Variants in FAIM2 observed in about 807,000 individuals in gnomAD.
FAIM2 encodes Fas apoptotic inhibitory molecule 2.
FAIM2 carries 27 observed loss-of-function variants against 47.4 expected under a neutral mutation model. That is an observed-to-expected ratio of 0.57 (90% CI 0.42 to 0.78). FAIM2 has a LOEUF of 0.78. FAIM2 is among the 30% of genes least tolerant of loss of function. FAIM2 has a pLI of 0.00. For missense variants in FAIM2, 311 were observed against 389.4 expected (o/e 0.80, Z 1.69); for synonymous variants, 156 against 159.3 (o/e 0.98, Z 0.16).
intron 11 of FAIM2, among the ~76,000 whole-genome samples, chr12:49,883,706 A>G (rs961897410): frequency 7.2e-5 from 11 of 152,224 alleles, no homozygotes; most frequent in African/African-American, 2.6e-4. Context: ...GGGTAGAAAG[A>G]GAAGAGTCGG....
intron 11 of FAIM2, among the ~76,000 whole-genome samples, chr12:49,871,087 C>G (rs1371415107): frequency 6.6e-6 from 1 of 152,200 alleles, no homozygotes; most frequent in East Asian, 1.9e-4. Flanking sequence ...CCGGACCCTG[C>G]TCTCAGAGGA....
chr12:49,887,593 C>G (rs1946870904), intron 10 of FAIM2, among the ~76,000 whole-genome samples, 154 bp from the exon 11 acceptor site: 2 of 152,182 alleles, frequency 1.3e-5, no homozygotes, highest in South Asian at 4.1e-4. Flanking sequence ...CCCTGATTCT[C>G]TGTGTGCCCA....
rs1016292528 is a variant in FAIM2, at chr12:49,867,552, C to T, written c.*2952G>A. ...AGACTCGTGTGTGCCTCCCGGGCCC[C>T]CATCTGCAGCTTCCAGAAGAGGACT... On this transcript the variant is annotated 3_prime_UTR_variant, in exon 12 of 12. Transcript: ENST00000320634. 1 of 152,232 alleles carries T rather than the reference C, an allele frequency of 6.6e-6. No individual in the cohort carries two copies. The highest frequency in any genetic ancestry group is 2.4e-5 in the African/African-American group (1 of 41,442). 9.4% of individuals were successfully genotyped at this position (152,232 alleles called of 1,614,324 possible).
chr12:49,890,171 G>T lies in FAIM2; in HGVS notation c.526-17C>A. On this transcript the variant is annotated splice_polypyrimidine_tract_variant and intron_variant, in intron 7 of 11. Coordinates refer to ENST00000320634, the MANE Select transcript of FAIM2 (RefSeq NM_012306.4). ...GGACAGGGTCTGAAAGGAGAAGCAG[G>T]GTAAAGGAATGTTCCAAACTCAGAC... The T allele has an allele frequency of 6.2e-7, 1 of 1,613,908 alleles. No individual in the cohort carries two copies. The highest frequency in any genetic ancestry group is 8.5e-7 in the Non-Finnish European group (1 of 1,179,828).
In FAIM2 at chr12:49,868,957, C is replaced by T. The variant is rs1329133089; in HGVS notation, c.*1547G>A. On this transcript the variant is annotated 3_prime_UTR_variant, in exon 12 of 12. Transcript: ENST00000320634. ...GTAGGAAGGGTGGGGAGGGATGGGGCTGGGAAGGAACAGCACACCTCGTCT... is the reference window on the plus strand; with the variant it reads ...GTAGGAAGGGTGGGGAGGGATGGGGTTGGGAAGGAACAGCACACCTCGTCT... 5 of 152,272 alleles carry T rather than the reference C, an allele frequency of 3.3e-5. No individual in the cohort carries two copies. Among genetic ancestry groups the T allele is most frequent in the Non-Finnish European group, 7.3e-5 (5 of 68,076 alleles). 9.4% of individuals were successfully genotyped at this position (152,272 alleles called of 1,614,324 possible). A position where few individuals can be genotyped will look rare whatever the true frequency, so the allele number is the denominator to read the frequency against.
In FAIM2 at chr12:49,870,327, G is replaced by A; in HGVS notation, c.*177C>T. 1.7e-6 allele frequency: 1 copy of A among 595,348 alleles called. No homozygotes were observed. The allele number at this position is 595,348 out of a possible 1,614,324, so 36.9% of individuals were successfully genotyped here. ...GATTGACGTGGCCTCAGTTCCTCAG[G>A]GTCCCCATGGCGTATGTACAAGCGG... On this transcript the variant is annotated 3_prime_UTR_variant, in exon 12 of 12. Transcript: ENST00000320634.
At chr12:49,889,274 C>A in intron 9 of FAIM2, 72 bp from the exon 10 acceptor site, 1 of 1,189,854 alleles carries the variant, frequency 8.4e-7, no homozygotes, top group Non-Finnish European at 1.2e-6. Context: ...AGGCTGAGCC[C>A]ATACAGCAGG....
intron 5 of FAIM2, among the ~76,000 whole-genome samples, chr12:49,896,805 C>T (rs78542783): frequency 0.016 from 2,469 of 152,294 alleles, 73 homozygotes; most frequent in African/African-American, 0.057. Flanking sequence ...GCAGAACCTA[C>T]CCCCGTCTCC....
chr12:49,870,324 C>A lies in FAIM2; in HGVS notation c.*180G>T. ...AGGGATTGACGTGGCCTCAGTTCCTCAGGGTCCCCATGGCGTATGTACAAG... is the reference window on the plus strand; with the variant it reads ...AGGGATTGACGTGGCCTCAGTTCCTAAGGGTCCCCATGGCGTATGTACAAG... On this transcript the variant is annotated 3_prime_UTR_variant, in exon 12 of 12. Coordinates refer to ENST00000320634, the MANE Select transcript of FAIM2 (RefSeq NM_012306.4). 1.7e-6 allele frequency: 1 copy of A among 590,680 alleles called. No individual in the cohort carries two copies. The highest frequency in any genetic ancestry group is 2.2e-5 in the South Asian group (1 of 45,942). The allele number at this position is 590,680 out of a possible 1,614,324, so 36.6% of individuals were successfully genotyped here.
In FAIM2 at chr12:49,903,802, T is replaced by G. The variant is rs942023545; in HGVS notation, c.-10A>C. 4 of 1,542,298 alleles carry G rather than the reference T, an allele frequency of 2.6e-6. No homozygotes were observed. The African/African-American group carries it at 5.5e-5, about 21-fold the overall frequency. ...CCTTTCCCTGGGTCATGGTGCCGTC[T>G]CTCGGGGAAGGGGTCCCTGAGGCCC... On this transcript the variant is annotated 5_prime_UTR_variant, in exon 1 of 12. Coordinates refer to ENST00000320634, the MANE Select transcript of FAIM2 (RefSeq NM_012306.4).
intron 5 of FAIM2, among the ~76,000 whole-genome samples, chr12:49,896,218 GC>G: frequency 6.6e-6 from 1 of 152,310 alleles, no homozygotes; most frequent in South Asian, 2.1e-4. Context: ...CACAGTGAGC[GC>G]GAGAGCAGTT....
chr12:49,890,934 G>T lies in FAIM2; in HGVS notation c.485+130C>A, dbSNP rs1165195720. On this transcript the variant is annotated intron_variant, in intron 6 of 11. Transcript: ENST00000320634. ...TAAAGGAGGGAGGGGCTGCCTGCTC[G>T]ATAGAGGCCCAGAGAGGGATGGGGC... The T allele has an allele frequency of 7.2e-6, 7 of 972,116 alleles. 1 individual carries two copies. In the South Asian group the frequency reaches 9.5e-5, roughly 13 times the overall value. 60.2% of individuals were successfully genotyped at this position (972,116 alleles called of 1,614,324 possible).
chr12:49,876,259 A>G (rs1203440413), intron 11 of FAIM2, among the ~76,000 whole-genome samples: 1 of 152,204 alleles, frequency 6.6e-6, no homozygotes, highest in Non-Finnish European at 1.5e-5. Flanking sequence ...ACAGCCACCT[A>G]TGAGGAAGGT....
Position 49,893,903 on chromosome 12 carries a change from G to A in FAIM2, c.435-2789C>T, listed in dbSNP as rs185108019. 9.8e-4 allele frequency among the ~76,000 whole-genome samples: 149 copies of A among 152,340 alleles called. 1 individual carries two copies. Among genetic ancestry groups the A allele is most frequent in the Non-Finnish European group, 1.3e-4 (9 of 68,042 alleles). Reference sequence around the variant, plus strand: ...AATAATAATACCCTTGTCCATGTGGGTGTGGGTTCTATCTCGCCAGCCAGA... The same window carrying A: ...AATAATAATACCCTTGTCCATGTGGATGTGGGTTCTATCTCGCCAGCCAGA... On this transcript the variant is annotated intron_variant, in intron 5 of 11. Transcript: ENST00000320634.
chr12:49,878,929 T>A (rs1295481853), intron 11 of FAIM2, among the ~76,000 whole-genome samples: 1 of 136,932 alleles, frequency 7.3e-6, no homozygotes, highest in East Asian at 2.4e-4. Flanking sequence ...TGTGTGTATA[T>A]GTGCATGCAT....
At position 49,897,557 on chromosome 12, in the gene FAIM2, C is replaced by G; in HGVS notation, c.342G>C (p.Leu114=). 1.2e-6 allele frequency: 2 copies of G among 1,614,116 alleles called. No homozygotes were observed. The highest frequency in any genetic ancestry group is 1.7e-6 in the Non-Finnish European group (2 of 1,179,986). Residue 114 remains leucine (L), a synonymous_variant, in exon 4 of 12, where the codon CTG becomes CTC. Coordinates refer to ENST00000320634, the MANE Select transcript of FAIM2 (RefSeq NM_012306.4). ...RKVYTILLIQ[L]LVTLAVVALF... ...GAGCCACGACAGCCAAGGTCACCAG[C>G]AGCTGAATCAGCAGGATGGTGTAGA...
At chr12:49,888,117 T>C (rs969182859) in intron 10 of FAIM2, among the ~76,000 whole-genome samples, 1 of 152,126 alleles carries the variant, frequency 6.6e-6, no homozygotes, top group African/African-American at 2.4e-5. Flanking sequence ...AGGCAACCCA[T>C]CAACCAGACC....
chr12:49,871,881 G>A (rs1462812103), intron 11 of FAIM2, among the ~76,000 whole-genome samples: 2 of 152,074 alleles, frequency 1.3e-5, no homozygotes, highest in Admixed American at 1.3e-4. Flanking sequence ...GGTCAGGCTG[G>A]TCCTGAACTC....
chr12:49,878,489 T>C lies in FAIM2; in HGVS notation c.802-7836A>G, dbSNP rs536768610. Among the ~76,000 whole-genome samples the C allele has an allele frequency of 4.1e-5, 5 of 122,044 alleles. 1 individual carries two copies. The South Asian group carries it at 9.0e-4, about 22-fold the overall frequency. 80.1% of individuals were successfully genotyped at this position (122,044 alleles called of 152,430 possible). A position where few individuals can be genotyped will look rare whatever the true frequency, so the allele number is the denominator to read the frequency against. ...GTATGTGTGTGTGCATGTGTGTATA[T>C]GTATGTGCATGTGTGTATATGTGTG... On this transcript the variant is annotated intron_variant, in intron 11 of 11. Transcript: ENST00000320634.
Sources: gnomAD v4.1 joint callset for allele counts (sites outside exome capture counted in the v4.1 genomes callset) on GRCh38, gnomAD v4.1.1 for gene constraint, MANE v1.5 for transcripts, NCBI Gene and HGNC (gene_info 2026-07-23, HGNC 2026-07-21) for gene names.